ADAMTSL1: variants seen among roughly 807,000 people sequenced by gnomAD.
ADAMTSL1 encodes the protein ADAMTS like 1.
Under a neutral mutation model 201.8 loss-of-function variants are expected in ADAMTSL1, and 126 were observed. That is an observed-to-expected ratio of 0.62 (90% CI 0.54 to 0.72). ADAMTSL1 has a LOEUF of 0.72. ADAMTSL1 is among the 30% of genes least tolerant of loss of function. ADAMTSL1 has a pLI of 0.00. For missense variants in ADAMTSL1, 2,679 were observed against 2,277.8 expected (o/e 1.18, Z -3.59); for synonymous variants, 1,121 against 903.4 (o/e 1.24, Z -4.32).
chr9:17,927,277 AATGT>A (rs1198035023), intron 1 of ADAMTSL1, among the ~76,000 whole-genome samples: 2 of 152,212 alleles, frequency 1.3e-5, no homozygotes, highest in Non-Finnish European at 2.9e-5. Context: ...CCACTGCATG[AATGT>A]ATATGTACAT....
At chr9:18,603,903 G>C (rs949030753) in intron 4 of ADAMTSL1, among the ~76,000 whole-genome samples, 1 of 152,146 alleles carries the variant, frequency 6.6e-6, no homozygotes, top group Non-Finnish European at 1.5e-5. Context: ...ACAAAGAAAA[G>C]ACAGTACAGA....
chr9:18,798,480 A>T (rs1165085891), intron 20 of ADAMTSL1, among the ~76,000 whole-genome samples: 1 of 152,250 alleles, frequency 6.6e-6, no homozygotes, highest in Non-Finnish European at 1.5e-5. Context: ...AATATTTGTT[A>T]GCTATTATTA....
chr9:17,999,235 G>A (rs1048801474), intron 1 of ADAMTSL1, among the ~76,000 whole-genome samples: 2 of 151,854 alleles, frequency 1.3e-5, no homozygotes, highest in African/African-American at 2.4e-5. Context: ...GTAGTTTTTT[G>A]CAACTGTCTA....
intron 9 of ADAMTSL1, among the ~76,000 whole-genome samples, chr9:18,669,529 C>G (rs574028486): frequency 6.6e-6 from 1 of 152,126 alleles, no homozygotes; most frequent in East Asian, 1.9e-4. Flanking sequence ...ATGAATGTTG[C>G]TGCTTAGTTT....
At chr9:18,789,600 A>G (rs1299309519) in intron 19 of ADAMTSL1, among the ~76,000 whole-genome samples, 1 of 152,218 alleles carries the variant, frequency 6.6e-6, no homozygotes, top group Non-Finnish European at 1.5e-5. Flanking sequence ...TGAATGAGAT[A>G]ATAATTTATA....
chr9:18,605,740 T>A (rs1824968971), intron 4 of ADAMTSL1, among the ~76,000 whole-genome samples: 1 of 152,220 alleles, frequency 6.6e-6, no homozygotes, highest in Non-Finnish European at 1.5e-5. Context: ...TTTTTTGAGG[T>A]TCACAAATAG....
chr9:18,140,891 A>G (rs1324918970), intron 1 of ADAMTSL1, among the ~76,000 whole-genome samples: 1 of 152,206 alleles, frequency 6.6e-6, no homozygotes, highest in Non-Finnish European at 1.5e-5. Context: ...AAATTAGGCT[A>G]CTTGGAAAAC....
intron 2 of ADAMTSL1, among the ~76,000 whole-genome samples, chr9:18,242,941 A>G (rs1469118492): frequency 6.6e-6 from 1 of 152,196 alleles, no homozygotes; most frequent in African/African-American, 2.4e-5. Flanking sequence ...TACAGATTCA[A>G]TGCAACATCT....
In ADAMTSL1 at chr9:18,445,746, G is replaced by A. The variant is rs188199428; in HGVS notation, c.208-59083G>A. On this transcript the variant is annotated intron_variant, in intron 2 of 29. Coordinates refer to the ADAMTSL1 transcript ENST00000680146. The stretch of plus-strand genomic sequence containing the variant: ...GTTGAATTTTTATAAAACATTTTTA[G>A]TTTACCTTTACTTGAATGTATTTAG... Among the ~76,000 whole-genome samples the A allele has an allele frequency of 1.8e-4, 28 of 152,102 alleles. No individual in the cohort carries two copies. The East Asian group carries it at 5.2e-3, about 28-fold the overall frequency.
intron 1 of ADAMTSL1, among the ~76,000 whole-genome samples, chr9:18,497,783 G>T (rs887729995): frequency 2.6e-5 from 4 of 152,190 alleles, no homozygotes; most frequent in Non-Finnish European, 4.4e-5. Flanking sequence ...ATTGTGTTCT[G>T]TTGAAGCTTT....
intron 2 of ADAMTSL1, among the ~76,000 whole-genome samples, chr9:18,170,295 G>C (rs948678677): frequency 2.4e-4 from 36 of 152,038 alleles, no homozygotes; most frequent in African/African-American, 8.2e-4. Flanking sequence ...GAAAAAGGAA[G>C]CTGGGGAAGG....
intron 1 of ADAMTSL1, among the ~76,000 whole-genome samples, chr9:17,940,562 G>C (rs937969165): frequency 3.3e-5 from 5 of 152,118 alleles, no homozygotes; most frequent in African/African-American, 1.2e-4. Flanking sequence ...GTTGGAATTG[G>C]CTAGGAGGCA....
chr9:18,614,416 C>T (rs1056222899), intron 4 of ADAMTSL1, among the ~76,000 whole-genome samples: 1 of 152,078 alleles, frequency 6.6e-6, no homozygotes, highest in African/African-American at 2.4e-5. Context: ...ATGCGATTTG[C>T]GGCAAGTTGT....
At chr9:18,555,813 G>C (rs1018263694) in intron 3 of ADAMTSL1, among the ~76,000 whole-genome samples, 1 of 151,966 alleles carries the variant, frequency 6.6e-6, no homozygotes, top group South Asian at 2.1e-4. Context: ...CCAACATCAA[G>C]TGTGGGCTGG....
chr9:18,504,781 A>C, intron 1 of ADAMTSL1, 48 bp from the exon 2 acceptor site: 1 of 1,614,002 alleles, frequency 6.2e-7, no homozygotes, highest in Non-Finnish European at 8.5e-7. Context: ...CACATGTTTC[A>C]GGGTTCCATG....
chr9:18,301,509 A>G (rs1833709643), intron 2 of ADAMTSL1, among the ~76,000 whole-genome samples: 1 of 152,184 alleles, frequency 6.6e-6, no homozygotes, highest in Non-Finnish European at 1.5e-5. Context: ...TAATTTATAA[A>G]TTGTGCACAG....
chr9:18,709,560 G>A (rs116267896), intron 14 of ADAMTSL1, among the ~76,000 whole-genome samples: 4,959 of 152,236 alleles, frequency 0.033, 242 homozygotes, highest in African/African-American at 0.11. Context: ...GTAGTTGGTG[G>A]CTGTGTTTCC....
At chr9:18,755,494 G>T (rs562637110) in intron 16 of ADAMTSL1, among the ~76,000 whole-genome samples, 1 of 152,274 alleles carries the variant, frequency 6.6e-6, no homozygotes, top group African/African-American at 2.4e-5. Flanking sequence ...ATGGTTATAG[G>T]TCTTAATATC....
chr9:18,269,165 A>C (rs1832255690), intron 2 of ADAMTSL1, among the ~76,000 whole-genome samples: 1 of 152,172 alleles, frequency 6.6e-6, no homozygotes, highest in African/African-American at 2.4e-5. Flanking sequence ...TCTATAAAGT[A>C]ATGTGATATA....
Sources: gnomAD v4.1 joint callset for allele counts (sites outside exome capture counted in the v4.1 genomes callset) on GRCh38, gnomAD v4.1.1 for gene constraint, MANE v1.5 for transcripts, NCBI Gene and HGNC (gene_info 2026-07-23, HGNC 2026-07-21) for gene names.